PTPRT: variants seen among roughly 807,000 people sequenced by gnomAD.
PTPRT encodes the protein protein tyrosine phosphatase receptor type T.
Under a neutral mutation model 176.8 loss-of-function variants are expected in PTPRT, and 56 were observed. That is an observed-to-expected ratio of 0.32 (90% CI 0.26 to 0.40). The LOEUF is 0.40. Ranked by LOEUF, PTPRT falls within the 10% of genes least tolerant of loss-of-function variation. PTPRT has a pLI of 1.00. For missense variants in PTPRT, 1,540 were observed against 1,908.2 expected (o/e 0.81, Z 3.60); for synonymous variants, 783 against 739.0 (o/e 1.06, Z -0.96).
At chr20:42,584,713 C>T (rs1189330141) in intron 7 of PTPRT, among the ~76,000 whole-genome samples, 2 of 152,140 alleles carry the variant, frequency 1.3e-5, no homozygotes, top group Non-Finnish European at 2.9e-5. Context: ...ACGAATTCTC[C>T]GCAAACAGAA....
At chr20:43,027,778 T>C (rs1985975335) in intron 1 of PTPRT, among the ~76,000 whole-genome samples, 1 of 152,170 alleles carries the variant, frequency 6.6e-6, no homozygotes. Flanking sequence ...ATGAATACAC[T>C]ACCTACATGT....
At chr20:42,304,051 A>G (rs1368745173) in intron 12 of PTPRT, among the ~76,000 whole-genome samples, 1 of 152,208 alleles carries the variant, frequency 6.6e-6, no homozygotes, top group Non-Finnish European at 1.5e-5. Context: ...AAAAGATGAC[A>G]CTTGATGAAA....
At chr20:42,404,037 G>C (rs2058935594) in intron 9 of PTPRT, among the ~76,000 whole-genome samples, 1 of 152,144 alleles carries the variant, frequency 6.6e-6, no homozygotes, top group African/African-American at 2.4e-5. Flanking sequence ...CCTGGACTCA[G>C]CTGAGCTTCT....
chr20:42,359,693 C>T (rs772525427), intron 9 of PTPRT, among the ~76,000 whole-genome samples: 19 of 152,244 alleles, frequency 1.2e-4, no homozygotes, highest in South Asian at 4.1e-4. Flanking sequence ...AGAGCAGCAA[C>T]GCCTCTGAAC....
intron 1 of PTPRT, among the ~76,000 whole-genome samples, chr20:42,919,293 G>C (rs897989989): frequency 6.6e-6 from 1 of 152,174 alleles, no homozygotes; most frequent in South Asian, 2.1e-4. Context: ...TGGACTCTTT[G>C]TACTTCCTCT....
intron 2 of PTPRT, among the ~76,000 whole-genome samples, chr20:42,869,440 T>A (rs2078806723): frequency 6.6e-6 from 1 of 152,240 alleles, no homozygotes; most frequent in Non-Finnish European, 1.5e-5. Context: ...AAGATCATTC[T>A]CAAGCCTCGA....
chr20:42,681,002 T>A (rs2075593764), intron 6 of PTPRT, among the ~76,000 whole-genome samples: 1 of 152,198 alleles, frequency 6.6e-6, no homozygotes, highest in Non-Finnish European at 1.5e-5. Context: ...AAGGAAGCCA[T>A]CAGATTATTG....
chr20:42,338,576 G>A (rs748566847), intron 11 of PTPRT, among the ~76,000 whole-genome samples: 23 of 152,306 alleles, frequency 1.5e-4, no homozygotes, highest in South Asian at 8.3e-4. Context: ...TCTGAGAGCC[G>A]TGGGAAGCAG....
intron 7 of PTPRT, among the ~76,000 whole-genome samples, chr20:42,531,108 T>C (rs1274173692): frequency 6.6e-6 from 1 of 152,234 alleles, no homozygotes; most frequent in Non-Finnish European, 1.5e-5. Context: ...TCCTGTCAAG[T>C]TGGCAACTTA....
In PTPRT at chr20:42,321,936, A is replaced by C. The variant is rs546246973; in HGVS notation, c.1866-5940T>G. 2.2e-3 allele frequency among the ~76,000 whole-genome samples: 338 copies of C among 152,278 alleles called. 1 individual carries two copies. The highest frequency in any genetic ancestry group is 4.2e-3 in the Non-Finnish European group (288 of 68,016). The stretch of plus-strand genomic sequence containing the variant: ...AATACAAAAAAAATTAGCCAGGCGC[A>C]GTGGTGGGCGCCTGTAGTCCCAGCT... On this transcript the variant is annotated intron_variant, in intron 11 of 30. Coordinates refer to ENST00000373187, the MANE Select transcript of PTPRT (RefSeq NM_007050.6).
At chr20:43,020,110 G>GTA (rs955597456) in intron 1 of PTPRT, among the ~76,000 whole-genome samples, 68 of 124,558 alleles carry the variant, frequency 5.5e-4, no homozygotes, top group Admixed American at 1.2e-3. Flanking sequence ...GTGTGTGTGT[G>GTA]TATATATATA....
At chr20:42,421,200 C>A (rs911285735) in intron 9 of PTPRT, among the ~76,000 whole-genome samples, 4 of 152,090 alleles carry the variant, frequency 2.6e-5, no homozygotes, top group African/African-American at 9.7e-5. Context: ...CTCTTCTCAA[C>A]GTAATGACAT....
chr20:42,994,829 T>C (rs1984137468), intron 1 of PTPRT, among the ~76,000 whole-genome samples: 1 of 152,256 alleles, frequency 6.6e-6, no homozygotes, highest in Non-Finnish European at 1.5e-5. Context: ...TCAATGGTGA[T>C]GTCTGAGAAA....
chr20:42,536,700 T>C (rs866745563), intron 7 of PTPRT, among the ~76,000 whole-genome samples: 1 of 152,206 alleles, frequency 6.6e-6, no homozygotes, highest in Non-Finnish European at 1.5e-5. Context: ...TCAACTTCTG[T>C]ATTAATTAGG....
chr20:42,262,379 C>T (rs940439956), intron 13 of PTPRT, among the ~76,000 whole-genome samples: 1 of 152,130 alleles, frequency 6.6e-6, no homozygotes, highest in Non-Finnish European at 1.5e-5. Context: ...ACGATTCCTG[C>T]CCCCAGCCCA....
chr20:42,350,131 G>A (rs540382896), intron 11 of PTPRT, among the ~76,000 whole-genome samples: 10 of 150,932 alleles, frequency 6.6e-5, no homozygotes, highest in East Asian at 1.9e-4. Flanking sequence ...CCAGGCCACC[G>A]ACCCCACTAA....
Position 42,192,889 on chromosome 20 carries a change from C to A in PTPRT, c.2491+6351G>T, listed in dbSNP as rs377505011. Reference sequence around the variant, plus strand: ...TCCTAGTAGGATGATTCCGGCAGAACCTGTCTGTGCGTACATCCACTTGGC... The same window carrying A: ...TCCTAGTAGGATGATTCCGGCAGAAACTGTCTGTGCGTACATCCACTTGGC... On this transcript the variant is annotated intron_variant, in intron 16 of 30. Coordinates refer to ENST00000373187, the MANE Select transcript of PTPRT (RefSeq NM_007050.6). Among the ~76,000 whole-genome samples the A allele has an allele frequency of 3.3e-4, 50 of 152,276 alleles. 2 individuals carry two copies. The East Asian group carries it at 9.1e-3, about 28-fold the overall frequency.
At chr20:42,399,179 C>G (rs1310147150) in intron 9 of PTPRT, among the ~76,000 whole-genome samples, 2 of 152,246 alleles carry the variant, frequency 1.3e-5, no homozygotes, top group Admixed American at 1.3e-4. Context: ...GGGCTGGAGA[C>G]TTAGGCTCCG....
chr20:42,986,769 A>G (rs1190075393), intron 1 of PTPRT, among the ~76,000 whole-genome samples: 1 of 152,188 alleles, frequency 6.6e-6, no homozygotes, highest in African/African-American at 2.4e-5. Context: ...GCAGATGAAG[A>G]AACTAAAGCA....
Sources: allele counts gnomAD v4.1 joint callset (sites outside exome capture counted in the v4.1 genomes callset), GRCh38; gene constraint gnomAD v4.1.1; transcripts MANE v1.5; gene names NCBI Gene and HGNC (gene_info 2026-07-23, HGNC 2026-07-21).